Variants in CYB5B observed in about 807,000 individuals in gnomAD.
CYB5B encodes the protein cytochrome b5 type B (outer mitochondrial membrane).
CYB5B carries 14 observed loss-of-function variants against 21.3 expected under a neutral mutation model. The ratio of observed to expected loss-of-function variants is 0.66; its 90% CI spans 0.43 to 1.03. The LOEUF is 1.03. Ranked by LOEUF, CYB5B falls within the 50% of genes least tolerant of loss-of-function variation. The pLI is 0.00. For missense variants in CYB5B, 166 were observed against 185.1 expected (o/e 0.90, Z 0.60); for synonymous variants, 69 against 68.4 (o/e 1.01, Z -0.04).
At chr16:69,447,379 C>T in intron 2 of CYB5B, 101 bp downstream of exon 2, 1 of 1,475,378 alleles carries the variant, frequency 6.8e-7, no homozygotes, top group African/African-American at 1.4e-5. Context: ...TGGTGGCTCA[C>T]ACCTGTCATC....
At chr16:69,426,127 C>A (rs983568033) in intron 1 of CYB5B, among the ~76,000 whole-genome samples, 9 of 152,194 alleles carry the variant, frequency 5.9e-5, no homozygotes, top group African/African-American at 2.2e-4. Context: ...CGGTCGGGCG[C>A]GGTGGCTCAC....
chr16:69,442,476 C>G (rs975581714), intron 1 of CYB5B, among the ~76,000 whole-genome samples: 1 of 152,118 alleles, frequency 6.6e-6, no homozygotes, highest in Non-Finnish European at 1.5e-5. Flanking sequence ...GCTGCATGCT[C>G]AGCGGCTCAT....
At chr16:69,433,165 A>G (rs1324878768) in intron 1 of CYB5B, among the ~76,000 whole-genome samples, 1 of 152,178 alleles carries the variant, frequency 6.6e-6, no homozygotes, top group Non-Finnish European at 1.5e-5. Flanking sequence ...AGAGTATGGA[A>G]TTAGGTCTGT....
At chr16:69,447,019 A>C in intron 1 of CYB5B, 131 bp from the exon 2 acceptor site, 2 of 1,073,076 alleles carry the variant, frequency 1.9e-6, no homozygotes, top group South Asian at 3.2e-5. Context: ...GCATCCTGTC[A>C]GGCACCACAC....
chr16:69,459,035 T>G, intron 3 of CYB5B, 58 bp from the exon 4 acceptor site: 2 of 1,499,584 alleles, frequency 1.3e-6, no homozygotes, highest in Non-Finnish European at 1.8e-6. Flanking sequence ...ACATGTGCTA[T>G]GTTAATCTTC....
chr16:69,430,299 C>T (rs1158651784), intron 1 of CYB5B, among the ~76,000 whole-genome samples: 1 of 152,120 alleles, frequency 6.6e-6, no homozygotes, highest in East Asian at 1.9e-4. Context: ...TCACTGCAGC[C>T]TCTGCCTCCT....
chr16:69,451,935 G>A (rs1207635022), intron 3 of CYB5B, among the ~76,000 whole-genome samples: 3 of 104,746 alleles, frequency 2.9e-5, no homozygotes, highest in African/African-American at 1.1e-4. Flanking sequence ...AAAGCGAGAC[G>A]CCGTCTCAAA....
chr16:69,436,388 T>G (rs2014760712), intron 1 of CYB5B, among the ~76,000 whole-genome samples: 1 of 152,216 alleles, frequency 6.6e-6, no homozygotes, highest in Non-Finnish European at 1.5e-5. Context: ...CAAGTTATGT[T>G]TGGATCTGCA....
intron 1 of CYB5B, among the ~76,000 whole-genome samples, chr16:69,431,050 GTGCAGTAGCAT>G (rs1775472138): frequency 6.6e-6 from 1 of 151,890 alleles, no homozygotes; most frequent in South Asian, 2.1e-4. Flanking sequence ...CCAGGCTGGA[GTGCAGTAGCAT>G]TACCTTGGCT....
chr16:69,442,013 A>G (rs957923992), intron 1 of CYB5B, among the ~76,000 whole-genome samples: 1 of 152,238 alleles, frequency 6.6e-6, no homozygotes, highest in Non-Finnish European at 1.5e-5. Context: ...TAGGCTCAGA[A>G]TGAACAATAC....
Position 69,436,067 on chromosome 16 carries a change from C to T in CYB5B, c.175-11083C>T, listed in dbSNP as rs796319522. ...CACTGCCCAGGTGAGGTGACCTGAT[C>T]AAGGAATCTACTTTCATTTATTTAT... On this transcript the variant is annotated intron_variant, in intron 1 of 4. Coordinates refer to ENST00000307892, the MANE Select transcript of CYB5B (RefSeq NM_030579.3). Among the ~76,000 whole-genome samples the T allele has an allele frequency of 5.3e-5, 8 of 152,334 alleles. 1 individual carries two copies. Among genetic ancestry groups the T allele is most frequent in the African/African-American group, 1.9e-4 (8 of 41,574 alleles).
chr16:69,459,058 TGTTA>T lies in CYB5B; in HGVS notation c.334-34_334-31del, dbSNP rs373141755. The stretch of plus-strand genomic sequence containing the variant: ...TATGTTAATCTTCTTTCTTTTTGTT[TGTTA>T]TTTTTGAATTTTTTTTTTTTTTTAT... On this transcript the variant is annotated intron_variant, in intron 3 of 4. Coordinates refer to ENST00000307892, the MANE Select transcript of CYB5B (RefSeq NM_030579.3). 1.1e-4 allele frequency: 165 copies of T among 1,534,072 alleles called. No homozygotes were observed. The African/African-American group carries it at 2.4e-3, about 23-fold the overall frequency.
intron 3 of CYB5B, among the ~76,000 whole-genome samples, chr16:69,456,472 G>T (rs2014984780): frequency 6.6e-6 from 1 of 152,188 alleles, no homozygotes; most frequent in Admixed American, 6.5e-5. Flanking sequence ...CAATTTTGTT[G>T]TTTGCCAGTG....
intron 1 of CYB5B, among the ~76,000 whole-genome samples, chr16:69,432,944 C>T (rs553252622): frequency 6.6e-6 from 1 of 152,126 alleles, no homozygotes; most frequent in African/African-American, 2.4e-5. Flanking sequence ...ATTACAGGCA[C>T]CTGCCACCAC....
chr16:69,447,256 AC>A lies in CYB5B; in HGVS notation c.282del (p.Tyr95ThrfsTer37). 6.2e-7 allele frequency: 1 copy of A among 1,614,034 alleles called. No individual in the cohort carries two copies. Among genetic ancestry groups the A allele is most frequent in the Non-Finnish European group, 8.5e-7 (1 of 1,180,002 alleles). On this transcript the variant is annotated frameshift_variant, in exon 2 of 5. Transcript: ENST00000307892. LOFTEE classifies it high-confidence loss of function. ...SSDAREMLKQYYIGDIHPSDL... is the reference protein window; with the variant it reads ...SSDAREMLKQXYIGDIHPSDL... Reference sequence around the variant, plus strand: ...GATGCCAGAGAAATGCTAAAGCAGTACTACATTGGTGATATCCATCCGGTAA... The same window carrying A: ...GATGCCAGAGAAATGCTAAAGCAGTATACATTGGTGATATCCATCCGGTAA...
chr16:69,453,139 C>T (rs1268694339), intron 3 of CYB5B, among the ~76,000 whole-genome samples: 1 of 151,888 alleles, frequency 6.6e-6, no homozygotes, highest in South Asian at 2.1e-4. Flanking sequence ...AGAGGCTTAA[C>T]GTGTTTTTTT....
At chr16:69,452,071 A>AGGAT (rs2014939385) in intron 3 of CYB5B, among the ~76,000 whole-genome samples, 1 of 151,862 alleles carries the variant, frequency 6.6e-6, no homozygotes, top group African/African-American at 2.4e-5. Context: ...TGCATTCATA[A>AGGAT]GGATGGATGG....
At position 69,424,859 on chromosome 16, in the gene CYB5B, T is replaced by TG; in HGVS notation, c.174+6dup. ...GATGTCACCCGCTTCCTCAACGAGG[T>TG]GGGGCCTGGGAGGTGGGAGGCCTCT... On this transcript the variant is annotated splice_region_variant and intron_variant, in intron 1 of 4. Transcript: ENST00000307892. 1 of 1,573,640 alleles carries TG rather than the reference T, an allele frequency of 6.4e-7. No homozygotes were observed. The highest frequency in any genetic ancestry group is 8.6e-7 in the Non-Finnish European group (1 of 1,158,734).
At chr16:69,454,316 T>A (rs1403482712) in intron 3 of CYB5B, among the ~76,000 whole-genome samples, 2 of 152,266 alleles carry the variant, frequency 1.3e-5, no homozygotes, top group African/African-American at 4.8e-5. Flanking sequence ...TGCAAGGCAG[T>A]AATTGTTAAA....
Sources: gnomAD v4.1 joint callset for allele counts (sites outside exome capture counted in the v4.1 genomes callset) on GRCh38, gnomAD v4.1.1 for gene constraint, MANE v1.5 for transcripts, NCBI Gene and HGNC (gene_info 2026-07-23, HGNC 2026-07-21) for gene names.